Variants in TAFA5 observed in about 807,000 individuals in gnomAD.
The protein encoded by TAFA5 is TAFA chemokine like family member 5.
TAFA5 carries 6 observed loss-of-function variants against 15.3 expected under a neutral mutation model. The observed-to-expected ratio is 0.39, with a 90% confidence interval of 0.21 to 0.77. The LOEUF is 0.77. Ranked by LOEUF, TAFA5 falls within the 30% of genes least tolerant of loss-of-function variation. The probability of loss-of-function intolerance (pLI) is 0.41; values close to 1 mark genes in which losing one functional copy is unlikely to be tolerated. For missense variants in TAFA5, 161 were observed against 193.1 expected, an observed-to-expected ratio of 0.83 and a Z score of 0.98; for synonymous variants, 103 against 80.7, an observed-to-expected ratio of 1.28 and a Z score of -1.48.
intron 1 of TAFA5, among the ~76,000 whole-genome samples, chr22:48,590,615 A>G (rs1017661990): frequency 2.6e-5 from 4 of 152,194 alleles, no homozygotes; most frequent in African/African-American, 7.2e-5. Context: ...AGGGGCTGCC[A>G]TACACAGACC....
intron 1 of TAFA5, chr22:48,576,411 G>A: frequency 1.6e-6 from 2 of 1,252,956 alleles, no homozygotes; most frequent in East Asian, 3.3e-5. Flanking sequence ...TGCACCCGGC[G>A]GGGCGCTGAT....
chr22:48,750,039 A>G lies in TAFA5; in HGVS notation c.*192A>G, dbSNP rs1930438320. ...TTCGGTCTGTCCAGCCGACCCGAGG[A>G]GGCCGGACTCAGACACATAGGCGGG... On this transcript the variant is annotated 3_prime_UTR_variant, in exon 4 of 4. Transcript: ENST00000402357. The G allele has an allele frequency of 1.6e-6, 1 of 619,560 alleles. No individual in the cohort carries two copies. Among genetic ancestry groups the G allele is most frequent in the African/African-American group, 1.8e-5 (1 of 54,334 alleles). The allele number at this position is 619,560 out of a possible 1,614,324, so 38.4% of individuals were successfully genotyped here.
chr22:48,533,265 G>A (rs779748900), intron 1 of TAFA5, among the ~76,000 whole-genome samples: 1 of 152,156 alleles, frequency 6.6e-6, no homozygotes. Context: ...CTGGTCTCCC[G>A]TTAGGTGTGA....
intron 1 of TAFA5, among the ~76,000 whole-genome samples, chr22:48,575,392 G>A (rs922900718): frequency 6.8e-6 from 1 of 148,062 alleles, no homozygotes; most frequent in African/African-American, 2.4e-5. Context: ...GAGCGCAGAC[G>A]GCGGCGGGCG....
At chr22:48,683,025 A>T (rs527254994) in intron 2 of TAFA5, among the ~76,000 whole-genome samples, 13 of 152,278 alleles carry the variant, frequency 8.5e-5, no homozygotes, top group African/African-American at 3.1e-4. Flanking sequence ...GGTAATATTC[A>T]GCTAGTGTTC....
Position 48,718,074 on chromosome 22 carries a change from G to A in TAFA5, c.390+10230G>A, listed in dbSNP as rs114447717. On this transcript the variant is annotated intron_variant, in intron 3 of 3. Coordinates refer to ENST00000402357, the MANE Select transcript of TAFA5 (RefSeq NM_001082967.3). ...CTCGTGGCCTTGCATGGCCAGGGCAGGGCTGCTGCGGACAGCAGGCCACGG... is the reference window on the plus strand; with the variant it reads ...CTCGTGGCCTTGCATGGCCAGGGCAAGGCTGCTGCGGACAGCAGGCCACGG... Among the ~76,000 whole-genome samples, 1,476 of 152,324 alleles carry A rather than the reference G, an allele frequency of 9.7e-3. 27 individuals carry two copies. The highest frequency in any genetic ancestry group is 0.032 in the African/African-American group (1,342 of 41,576).
intron 3 of TAFA5, among the ~76,000 whole-genome samples, chr22:48,741,482 A>G (rs1930179920): frequency 6.6e-6 from 1 of 152,224 alleles, no homozygotes; most frequent in Non-Finnish European, 1.5e-5. Context: ...TCAGCCCCTC[A>G]GCAGCTCTTT....
At chr22:48,537,202 C>CCGGGGTGGGGG (rs1311800323) in intron 1 of TAFA5, among the ~76,000 whole-genome samples, 1 of 142,094 alleles carries the variant, frequency 7.0e-6, no homozygotes, top group Non-Finnish European at 1.5e-5. Context: ...TTTGAGACAC[C>CCGGGGTGGGGG]CGGGGTGGGG....
At chr22:48,547,390 C>G (rs371651172) in intron 1 of TAFA5, 1 of 152,202 alleles carries the variant, frequency 6.6e-6, no homozygotes, top group African/African-American at 2.4e-5. Flanking sequence ...TGGGATCCAG[C>G]CTTTCCCCAG....
intron 2 of TAFA5, 76 bp downstream of exon 2, chr22:48,646,822 C>T: frequency 1.3e-6 from 2 of 1,485,184 alleles, no homozygotes; most frequent in Non-Finnish European, 1.8e-6. Flanking sequence ...CCTGACGCGG[C>T]CCCTTACCTG....
chr22:48,504,729 A>G (rs756781722), intron 1 of TAFA5, among the ~76,000 whole-genome samples: 1 of 152,168 alleles, frequency 6.6e-6, no homozygotes, highest in Non-Finnish European at 1.5e-5. Context: ...AAATGAGTCA[A>G]GGTTGTTCTG....
At chr22:48,575,953 C>A (rs1923766428) in intron 1 of TAFA5, among the ~76,000 whole-genome samples, 1 of 132,454 alleles carries the variant, frequency 7.5e-6, no homozygotes, top group Non-Finnish European at 1.6e-5. Flanking sequence ...GCGGCGGCGG[C>A]GGAGGAAGAG....
intron 1 of TAFA5, among the ~76,000 whole-genome samples, chr22:48,529,692 G>T (rs189480334): frequency 6.6e-6 from 1 of 151,690 alleles, no homozygotes; most frequent in Non-Finnish European, 1.5e-5. Context: ...GGGTGTCCAG[G>T]TGGGATTCCA....
At chr22:48,497,027 G>A (rs564523503) in intron 1 of TAFA5, among the ~76,000 whole-genome samples, 1 of 152,214 alleles carries the variant, frequency 6.6e-6, no homozygotes, top group African/African-American at 2.4e-5. Context: ...TATGGGGAGC[G>A]GTGGGGCTGG....
At chr22:48,609,893 C>T (rs1198664503) in intron 1 of TAFA5, among the ~76,000 whole-genome samples, 2 of 152,232 alleles carry the variant, frequency 1.3e-5, no homozygotes, top group Non-Finnish European at 2.9e-5. Context: ...ATACAGCCGT[C>T]CTCCCTCTGT....
chr22:48,742,524 G>A lies in TAFA5; in HGVS notation c.391-7315G>A, dbSNP rs1930209188. ...GTGGACCCGGTGGCGTGGCAGACCA[G>A]GCGACGTGGTGGACCCGGCCGCATG... On this transcript the variant is annotated intron_variant, in intron 3 of 3. Transcript: ENST00000402357. This position sits in a 1 kb window ranked among gnomAD's most constrained non-coding sequence, Gnocchi z 6.2. Among the ~76,000 whole-genome samples the A allele has an allele frequency of 6.6e-6, 1 of 152,118 alleles. No homozygotes were observed. Among genetic ancestry groups the A allele is most frequent in the African/African-American group, 2.4e-5 (1 of 41,400 alleles).
At chr22:48,534,272 C>T (rs1177620757) in intron 1 of TAFA5, among the ~76,000 whole-genome samples, 4 of 150,862 alleles carry the variant, frequency 2.7e-5, no homozygotes, top group Non-Finnish European at 5.9e-5. Context: ...TGAGGTGGAT[C>T]AGGCAATTGC....
chr22:48,652,532 C>G (rs1328716445), intron 2 of TAFA5, among the ~76,000 whole-genome samples: 1 of 152,238 alleles, frequency 6.6e-6, no homozygotes, highest in Non-Finnish European at 1.5e-5. Context: ...TGAGCCCTGA[C>G]CACCCTTGGC....
chr22:48,604,758 T>A (rs935520930), intron 1 of TAFA5, among the ~76,000 whole-genome samples: 1 of 152,070 alleles, frequency 6.6e-6, no homozygotes, highest in African/African-American at 2.4e-5. Context: ...GGAACAGGAA[T>A]TTGGGGAGGA....
Sources: gnomAD v4.1 joint callset for allele counts (sites outside exome capture counted in the v4.1 genomes callset) on GRCh38, gnomAD v4.1.1 for gene constraint, Gnocchi (gnomAD v3.1) non-coding constraint, MANE v1.5 for transcripts, NCBI Gene and HGNC (gene_info 2026-07-23, HGNC 2026-07-21) for gene names.